Variants in PTPRN2 observed in about 807,000 individuals in gnomAD.
PTPRN2 encodes the protein protein tyrosine phosphatase receptor type N2.
In PTPRN2, 74 loss-of-function variants were observed where a neutral mutation model predicts 118.8. The observed-to-expected ratio is 0.62, with a 90% CI of 0.52 to 0.76. The LOEUF is 0.76. Among genes scored for constraint, PTPRN2 ranks in the 30% least tolerant of loss-of-function variants. The pLI is 0.00. For synonymous variants in PTPRN2, 641 were observed against 608.0 expected (o/e 1.05, Z -0.80); for missense variants, 1,481 against 1,394.4 (o/e 1.06, Z -0.99).
chr7:158,028,710 AT>A, intron 11 of PTPRN2: 1 of 152,340 alleles, frequency 6.6e-6, no homozygotes, highest in East Asian at 1.9e-4. Context: ...GAAGGCCCTA[AT>A]TTTTTTGAAC....
intron 2 of PTPRN2, among the ~76,000 whole-genome samples, chr7:158,478,673 A>C (rs1047920151): frequency 2.0e-5 from 3 of 152,188 alleles, no homozygotes; most frequent in African/African-American, 2.4e-5. Context: ...AGAGGGAGCC[A>C]CTGAAGGTTT....
At position 157,623,315 on chromosome 7, in the gene PTPRN2, G is replaced by A. The variant is rs545149046; in HGVS notation, c.2197-1806C>T. Among the ~76,000 whole-genome samples the A allele has an allele frequency of 7.9e-5, 12 of 152,304 alleles. 1 individual carries two copies. The South Asian group carries it at 2.5e-3, about 32-fold the overall frequency. On this transcript the variant is annotated intron_variant, in intron 14 of 22. Transcript: ENST00000389418. Reference sequence around the variant, plus strand: ...GAAAGGATAGTCCCAGTCTGTTTCTGTGGCTACTTTTCTCAAGTTGGGCTT... The same window carrying A: ...GAAAGGATAGTCCCAGTCTGTTTCTATGGCTACTTTTCTCAAGTTGGGCTT...
chr7:157,595,910 C>CAGT (rs1289079642), intron 16 of PTPRN2, among the ~76,000 whole-genome samples: 1 of 152,186 alleles, frequency 6.6e-6, no homozygotes, highest in Non-Finnish European at 1.5e-5. Context: ...AAATGAAGAC[C>CAGT]AGTAGCCCAA....
At chr7:158,265,393 C>T (rs1797804782) in intron 3 of PTPRN2, among the ~76,000 whole-genome samples, 1 of 152,070 alleles carries the variant, frequency 6.6e-6, no homozygotes, top group African/African-American at 2.4e-5. Context: ...CAGGCAGGCA[C>T]CCACCTGCGG....
At chr7:158,536,823 G>A (rs958422908) in intron 1 of PTPRN2, among the ~76,000 whole-genome samples, 1 of 151,456 alleles carries the variant, frequency 6.6e-6, no homozygotes, top group Admixed American at 6.6e-5. Context: ...ACAAGACTCA[G>A]GAAGACACAA....
chr7:158,458,571 G>A (rs969117758), intron 2 of PTPRN2, among the ~76,000 whole-genome samples: 12 of 151,998 alleles, frequency 7.9e-5, no homozygotes, highest in South Asian at 2.1e-4. Flanking sequence ...GAAGTCGACC[G>A]CCGGAGCCCT....
chr7:158,490,506 G>A (rs2129445488), intron 1 of PTPRN2, among the ~76,000 whole-genome samples: 1 of 152,346 alleles, frequency 6.6e-6, no homozygotes, highest in African/African-American at 2.4e-5. Context: ...GGCTGGCAAA[G>A]GTTGGCGTTC....
At position 157,890,685 on chromosome 7, in the gene PTPRN2, A is replaced by G. The variant is rs117490749; in HGVS notation, c.1788+7988T>C. On this transcript the variant is annotated intron_variant, in intron 12 of 22. Coordinates refer to ENST00000389418, the MANE Select transcript of PTPRN2 (RefSeq NM_002847.5). ...AATAGGACTTTAGACTTAGGATGTG[A>G]TTGGAACATCTACGGATTTCTCACC... 7.2e-3 allele frequency among the ~76,000 whole-genome samples: 1,094 copies of G among 152,270 alleles called. 19 individuals carry two copies. Among genetic ancestry groups the G allele is most frequent in the East Asian group, 0.025 (132 of 5,182 alleles).
At chr7:158,067,711 G>A (rs946417126) in intron 11 of PTPRN2, among the ~76,000 whole-genome samples, 32 of 152,118 alleles carry the variant, frequency 2.1e-4, no homozygotes, top group Admixed American at 1.3e-4. Context: ...GTGAGCGAGT[G>A]ACAGAGTGAG....
chr7:157,603,942 T>G lies in PTPRN2; in HGVS notation c.2418+60A>C. 6.7e-7 allele frequency: 1 copy of G among 1,498,178 alleles called. No homozygotes were observed. The highest frequency in any genetic ancestry group is 9.3e-7 in the Non-Finnish European group (1 of 1,078,398). The allele number at this position is 1,498,178 out of a possible 1,614,324, so 92.8% of individuals were successfully genotyped here. On this transcript the variant is annotated intron_variant, in intron 16 of 22. Transcript: ENST00000389418. The surrounding 1 kb of genome is among the most constrained non-coding windows in gnomAD (Gnocchi z 5.4). ...TCCCCCGAGAACCTTCCCACGTGAT[T>G]TGCCGCGTCCGTGCCACCCAAGGGA...
intron 6 of PTPRN2, among the ~76,000 whole-genome samples, chr7:158,153,147 G>A (rs952577949): frequency 2.0e-5 from 3 of 152,168 alleles, no homozygotes; most frequent in Non-Finnish European, 4.4e-5. Context: ...AGTGTGGCCG[G>A]GGCAGTCTGA....
At chr7:158,329,850 T>G (rs138535939) in intron 2 of PTPRN2, among the ~76,000 whole-genome samples, 19 of 152,242 alleles carry the variant, frequency 1.2e-4, no homozygotes, top group African/African-American at 3.9e-4. Flanking sequence ...TCACTTTCAC[T>G]TTAGACTGTA....
At chr7:157,736,952 A>C (rs1321693844) in intron 12 of PTPRN2, among the ~76,000 whole-genome samples, 1 of 152,116 alleles carries the variant, frequency 6.6e-6, no homozygotes, top group Non-Finnish European at 1.5e-5. Flanking sequence ...TGACATTTTT[A>C]AAGGGTAGAG....
chr7:157,809,703 A>G (rs149822506), intron 12 of PTPRN2, among the ~76,000 whole-genome samples: 1,870 of 152,268 alleles, frequency 0.012, 50 homozygotes, highest in African/African-American at 0.043. Flanking sequence ...GCCAGGAGCC[A>G]CAGAGAGTCG....
chr7:157,631,260 A>C (rs765936159), intron 14 of PTPRN2, among the ~76,000 whole-genome samples: 2 of 152,240 alleles, frequency 1.3e-5, no homozygotes, highest in African/African-American at 2.4e-5. Context: ...TCTTCCGGAG[A>C]AAGTCCCCAG....
intron 14 of PTPRN2, among the ~76,000 whole-genome samples, chr7:157,626,770 T>G (rs973578802): frequency 6.6e-6 from 1 of 152,248 alleles, no homozygotes; most frequent in Non-Finnish European, 1.5e-5. Flanking sequence ...GTGATTTATA[T>G]TATAGGTAAA....
intron 12 of PTPRN2, among the ~76,000 whole-genome samples, chr7:157,841,712 AAG>A (rs1563162156): frequency 6.6e-6 from 1 of 152,218 alleles, no homozygotes; most frequent in Non-Finnish European, 1.5e-5. Context: ...CTTCCATAGA[AAG>A]AGAAGCAAAG....
chr7:158,215,500 T>G (rs528521101), intron 3 of PTPRN2, among the ~76,000 whole-genome samples: 17 of 152,202 alleles, frequency 1.1e-4, no homozygotes, highest in African/African-American at 3.1e-4. Flanking sequence ...GGAAGAAACA[T>G]GAACCTAAAA....
rs185303751 is a variant in PTPRN2 at position 157,869,757 on chromosome 7, G to C, written c.1788+28916C>G. Among the ~76,000 whole-genome samples the C allele has an allele frequency of 6.6e-6, 1 of 152,202 alleles. No individual in the cohort carries two copies. Among genetic ancestry groups the C allele is most frequent in the Admixed American group, 6.5e-5 (1 of 15,284 alleles). Reference sequence around the variant, plus strand: ...GATGAGAGGAGTGAGCTGAAGCCTTGTCCTGGTGGAGAAGGGCTCTCTGGT... The same window carrying C: ...GATGAGAGGAGTGAGCTGAAGCCTTCTCCTGGTGGAGAAGGGCTCTCTGGT... On this transcript the variant is annotated intron_variant, in intron 12 of 22. Coordinates refer to ENST00000389418, the MANE Select transcript of PTPRN2 (RefSeq NM_002847.5). This position sits in a 1 kb window ranked among gnomAD's most constrained non-coding sequence, Gnocchi z 4.2.
Sources: allele counts gnomAD v4.1 joint callset (sites outside exome capture counted in the v4.1 genomes callset), GRCh38; gene constraint gnomAD v4.1.1; non-coding constraint Gnocchi (gnomAD v3.1); transcripts MANE v1.5; gene names NCBI Gene and HGNC (gene_info 2026-07-23, HGNC 2026-07-21).